Variants in PRTFDC1 observed in about 807,000 individuals in gnomAD.
PRTFDC1 encodes the protein phosphoribosyl transferase domain containing 1, also known as phosphoribosyltransferase domain-containing protein 1.
A neutral mutation model predicts 34.6 loss-of-function variants in PRTFDC1; 38 were observed. The ratio of observed to expected loss-of-function variants is 1.10; its 90% CI spans 0.85 to 1.44. The LOEUF is 1.44. Ranked by LOEUF, PRTFDC1 falls within the 40% of genes most tolerant of loss-of-function variation. PRTFDC1 has a pLI of 0.00. For missense variants in PRTFDC1, 270 were observed against 283.0 expected (o/e 0.95, Z 0.33); for synonymous variants, 93 against 98.1 (o/e 0.95, Z 0.31).
intron 3 of PRTFDC1, among the ~76,000 whole-genome samples, chr10:24,877,857 G>C (rs1483266017): frequency 2.6e-5 from 4 of 152,148 alleles, no homozygotes; most frequent in African/African-American, 9.6e-5. Context: ...CTGGCCTCAA[G>C]CAGTCTGCCT....
chr10:24,876,634 C>T (rs1847968834), intron 3 of PRTFDC1, among the ~76,000 whole-genome samples: 1 of 151,998 alleles, frequency 6.6e-6, no homozygotes, highest in South Asian at 2.1e-4. Flanking sequence ...GTGGAGGTTG[C>T]AGTGAGCCGA....
At chr10:24,856,245 G>A (rs1188355782) in intron 6 of PRTFDC1, among the ~76,000 whole-genome samples, 1 of 151,660 alleles carries the variant, frequency 6.6e-6, no homozygotes, top group East Asian at 1.9e-4. Flanking sequence ...CTCCAGCTTG[G>A]GCTGGGCGAC....
In PRTFDC1 at chr10:24,886,956, C is replaced by CTT. The variant is rs57910963; in HGVS notation, c.340-14895_340-14894dup. On this transcript the variant is annotated intron_variant, in intron 3 of 8. Transcript: ENST00000320152. ...TCTTTGTATCTTGTTAATACTCCTT[C>CTT]TTTTTTTTTTTTTTTTTTTTTTTTT... Among the ~76,000 whole-genome samples, 797 of 86,314 alleles carry CTT rather than the reference C, an allele frequency of 9.2e-3. 33 individuals carry two copies. Among genetic ancestry groups the CTT allele is most frequent in the African/African-American group, 0.028 (563 of 20,404 alleles). The allele number at this position is 86,314 out of a possible 152,430, so 56.6% of individuals were successfully genotyped here.
intron 7 of PRTFDC1, among the ~76,000 whole-genome samples, 164 bp from the exon 8 acceptor site, chr10:24,851,628 T>C (rs1459818993): frequency 2.0e-5 from 3 of 151,826 alleles, no homozygotes; most frequent in African/African-American, 2.4e-5. Context: ...AAGAGGGACC[T>C]GGACCCGAAG....
chr10:24,873,691 A>C (rs550676365), intron 3 of PRTFDC1, among the ~76,000 whole-genome samples: 1 of 152,066 alleles, frequency 6.6e-6, no homozygotes, highest in Non-Finnish European at 1.5e-5. Flanking sequence ...ACTCAAGCCA[A>C]TTCCCTTAGG....
At chr10:24,864,876 G>A (rs1847748781) in intron 4 of PRTFDC1, among the ~76,000 whole-genome samples, 1 of 152,152 alleles carries the variant, frequency 6.6e-6, no homozygotes, top group South Asian at 2.1e-4. Context: ...AGCACTTTGG[G>A]AAGCCAAGAC....
At chr10:24,858,108 T>A (rs1194909354) in intron 5 of PRTFDC1, among the ~76,000 whole-genome samples, 1 of 152,158 alleles carries the variant, frequency 6.6e-6, no homozygotes, top group Non-Finnish European at 1.5e-5. Context: ...TTCCTCTTCT[T>A]TAAAGTTGTC....
At chr10:24,933,917 T>A (rs1849007533) in intron 3 of PRTFDC1, among the ~76,000 whole-genome samples, 1 of 152,076 alleles carries the variant, frequency 6.6e-6, no homozygotes, top group Non-Finnish European at 1.5e-5. Context: ...GGTCTTGAGC[T>A]CCTGACCTCA....
chr10:24,890,633 G>A (rs1394149736), intron 3 of PRTFDC1, among the ~76,000 whole-genome samples: 3 of 152,228 alleles, frequency 2.0e-5, no homozygotes, highest in Non-Finnish European at 2.9e-5. Context: ...AGGGAAGAGG[G>A]AACAGGAGGG....
At chr10:24,867,232 T>A (rs796663817) in intron 4 of PRTFDC1, among the ~76,000 whole-genome samples, 99 of 152,220 alleles carry the variant, frequency 6.5e-4, no homozygotes, top group African/African-American at 2.2e-3. Flanking sequence ...AATTTAATTT[T>A]AAAAAATCCT....
chr10:24,866,944 G>A (rs528658426), intron 4 of PRTFDC1, among the ~76,000 whole-genome samples: 1 of 150,338 alleles, frequency 6.7e-6, no homozygotes, highest in South Asian at 2.1e-4. Flanking sequence ...GAGAAAGAAA[G>A]GTAGTTTCTC....
At chr10:24,899,427 C>T (rs773701058) in intron 3 of PRTFDC1, among the ~76,000 whole-genome samples, 4 of 152,240 alleles carry the variant, frequency 2.6e-5, no homozygotes, top group Admixed American at 6.5e-5. Context: ...TGGGGTTATA[C>T]GCTTGGAGCT....
chr10:24,926,905 G>T (rs572110497), intron 3 of PRTFDC1, among the ~76,000 whole-genome samples: 8 of 152,188 alleles, frequency 5.3e-5, no homozygotes, highest in Admixed American at 5.2e-4. Flanking sequence ...CTCAGTGTTT[G>T]CTTTTCACAA....
intron 3 of PRTFDC1, among the ~76,000 whole-genome samples, chr10:24,881,240 T>A (rs1848076016): frequency 1.9e-5 from 1 of 51,936 alleles, no homozygotes; most frequent in Non-Finnish European, 5.4e-5. Flanking sequence ...CTGATTTTTT[T>A]ATTTTTATTT....
chr10:24,929,290 G>A (rs752584535), intron 3 of PRTFDC1, among the ~76,000 whole-genome samples: 3 of 152,102 alleles, frequency 2.0e-5, no homozygotes, highest in South Asian at 2.1e-4. Context: ...TGTATTTAGC[G>A]TTTCTCTTCC....
chr10:24,951,103 T>C (rs1017908540), intron 1 of PRTFDC1, among the ~76,000 whole-genome samples: 5 of 152,178 alleles, frequency 3.3e-5, no homozygotes, highest in Admixed American at 2.0e-4. Context: ...ATGATTCTTT[T>C]GCATTTGGTA....
At chr10:24,901,491 A>C (rs1848448969) in intron 3 of PRTFDC1, among the ~76,000 whole-genome samples, 1 of 152,166 alleles carries the variant, frequency 6.6e-6, no homozygotes, top group South Asian at 2.1e-4. Context: ...TTGGGAGGCC[A>C]AAGCGAGAGA....
At chr10:24,894,582 G>T (rs1848318302) in intron 3 of PRTFDC1, among the ~76,000 whole-genome samples, 1 of 152,152 alleles carries the variant, frequency 6.6e-6, no homozygotes, top group Admixed American at 6.5e-5. Flanking sequence ...AAGGCACCCG[G>T]GAGCCAATCT....
rs777381759 is a variant in PRTFDC1 at position 24,942,437 on chromosome 10, C to T, written c.49-1G>A. The stretch of plus-strand genomic sequence containing the variant: ...CATACCCTGGCCAATCATCCATAAT[C>T]TGCAAATCAAATTATTTTGGTTATG... On this transcript the variant is annotated splice_acceptor_variant, in intron 1 of 8. Transcript: ENST00000320152. LOFTEE classifies it high-confidence loss of function. 1.2e-6 allele frequency: 2 copies of T among 1,606,550 alleles called. No homozygotes were observed. Among genetic ancestry groups the T allele is most frequent in the African/African-American group, 1.3e-5 (1 of 74,714 alleles).
Sources: allele counts gnomAD v4.1 joint callset (sites outside exome capture counted in the v4.1 genomes callset), GRCh38; gene constraint gnomAD v4.1.1; transcripts MANE v1.5; gene names NCBI Gene and HGNC (gene_info 2026-07-23, HGNC 2026-07-21).